PRXL2A: variants seen among roughly 807,000 people sequenced by gnomAD.
The protein encoded by PRXL2A is peroxiredoxin like 2A.
A neutral mutation model predicts 25.6 loss-of-function variants in PRXL2A; 26 were observed. That is an observed-to-expected ratio of 1.02 (90% CI 0.74 to 1.41). The LOEUF is 1.41. PRXL2A is among the 40% of genes most tolerant of loss of function. The pLI is 0.00. For synonymous variants in PRXL2A, 98 were observed against 102.9 expected (o/e 0.95, Z 0.29); for missense variants, 246 against 273.9 (o/e 0.90, Z 0.72).
In PRXL2A at chr10:80,435,043, G is replaced by T. The variant is rs1845366015; in HGVS notation, c.*2944G>T. 6.6e-6 allele frequency: 1 copy of T among 152,192 alleles called. No homozygotes were observed. The allele number at this position is 152,192 out of a possible 1,614,324, so 9.4% of individuals were successfully genotyped here. On this transcript the variant is annotated 3_prime_UTR_variant, in exon 6 of 6. Coordinates refer to ENST00000606162, the MANE Select transcript of PRXL2A (RefSeq NM_032333.5). ...AGCCTGGCCAACATGGTGAAACCCT[G>T]TCTCTACTAAAAATACAAAAGTTAG...
rs759677709 is a variant in PRXL2A at position 80,434,963 on chromosome 10, C to T, written c.*2864C>T. On this transcript the variant is annotated 3_prime_UTR_variant, in exon 6 of 6. Coordinates refer to ENST00000606162, the MANE Select transcript of PRXL2A (RefSeq NM_032333.5). ...GTGCCATGGCTCATGCCTATAATCCCAGCACTTTGGGTGGCCAAGGTGGGT... is the reference window on the plus strand; with the variant it reads ...GTGCCATGGCTCATGCCTATAATCCTAGCACTTTGGGTGGCCAAGGTGGGT... The T allele has an allele frequency of 6.6e-6, 1 of 152,258 alleles. No homozygotes were observed. The highest frequency in any genetic ancestry group is 1.9e-4 in the East Asian group (1 of 5,198). 9.4% of individuals were successfully genotyped at this position (152,258 alleles called of 1,614,324 possible).
intron 1 of PRXL2A, among the ~76,000 whole-genome samples, chr10:80,413,451 G>C (rs1844541535): frequency 6.6e-6 from 1 of 152,292 alleles, no homozygotes; most frequent in East Asian, 1.9e-4. Context: ...GTGAGGAATG[G>C]GGCAAGGGAG....
At chr10:80,412,604 GCA>G (rs1375784422) in intron 1 of PRXL2A, among the ~76,000 whole-genome samples, 3 of 152,098 alleles carry the variant, frequency 2.0e-5, no homozygotes, top group South Asian at 2.1e-4. Context: ...GGGTGTGTGC[GCA>G]CACACATGCA....
intron 1 of PRXL2A, among the ~76,000 whole-genome samples, chr10:80,411,823 C>T (rs1844485431): frequency 6.6e-6 from 1 of 152,148 alleles, no homozygotes; most frequent in Non-Finnish European, 1.5e-5. Context: ...TCTCCCCTAT[C>T]TCTGCCTCAG....
In PRXL2A at chr10:80,433,336, G is replaced by T. The variant is rs1166236785; in HGVS notation, c.*1237G>T. On this transcript the variant is annotated 3_prime_UTR_variant, in exon 6 of 6. Transcript: ENST00000606162. ...TTTTTGTTTGAATTTTGTCGTGTAAGTTTGAGTGACATCATCAAGACCTAC... is the reference window on the plus strand; with the variant it reads ...TTTTTGTTTGAATTTTGTCGTGTAATTTTGAGTGACATCATCAAGACCTAC... 1 of 152,222 alleles carries T rather than the reference G, an allele frequency of 6.6e-6. No individual in the cohort carries two copies. The allele number at this position is 152,222 out of a possible 1,614,324, so 9.4% of individuals were successfully genotyped here. A position where few individuals can be genotyped will look rare whatever the true frequency, so the allele number is the denominator to read the frequency against.
chr10:80,416,848 G>A (rs984410369), intron 1 of PRXL2A, among the ~76,000 whole-genome samples: 85 of 152,320 alleles, frequency 5.6e-4, no homozygotes, highest in African/African-American at 1.6e-3. Context: ...GAGATTCTTC[G>A]TTTCTAGATG....
In PRXL2A at chr10:80,431,926, C is replaced by T. The variant is rs1845275703; in HGVS notation, c.577-60C>T. On this transcript the variant is annotated intron_variant, in intron 5 of 5. Transcript: ENST00000606162. ...CTTGACAGACAGCTGGTCCTCGATG[C>T]CTGTCTCATGAACGAACGATTTAGG... is the stretch of plus-strand genomic sequence containing the variant. 22 of 1,210,036 alleles carry T rather than the reference C, an allele frequency of 1.8e-5. No individual in the cohort carries two copies. The South Asian group carries it at 2.6e-4, about 14-fold the overall frequency. 75.0% of individuals were successfully genotyped at this position (1,210,036 alleles called of 1,614,324 possible).
chr10:80,412,064 A>G (rs1288791037), intron 1 of PRXL2A, among the ~76,000 whole-genome samples: 2 of 152,212 alleles, frequency 1.3e-5, no homozygotes, highest in Non-Finnish European at 2.9e-5. Flanking sequence ...CACACCCAGC[A>G]GAAGAACAGT....
intron 1 of PRXL2A, among the ~76,000 whole-genome samples, 157 bp downstream of exon 1, chr10:80,408,800 C>G (rs886391005): frequency 1.3e-5 from 2 of 152,136 alleles, no homozygotes; most frequent in African/African-American, 4.8e-5. Flanking sequence ...TTCTTAGGAG[C>G]CGCCGCAGCG....
intron 1 of PRXL2A, among the ~76,000 whole-genome samples, 160 bp downstream of exon 1, chr10:80,408,803 C>T (rs1326910181): frequency 6.6e-6 from 1 of 152,156 alleles, no homozygotes; most frequent in East Asian, 1.9e-4. Flanking sequence ...TTAGGAGCCG[C>T]CGCAGCGCTG....
At chr10:80,425,408 A>C (rs575063726) in intron 3 of PRXL2A, among the ~76,000 whole-genome samples, 1 of 152,312 alleles carries the variant, frequency 6.6e-6, no homozygotes, top group Non-Finnish European at 1.5e-5. Flanking sequence ...AAGAGACAAC[A>C]CTCAACTTAG....
chr10:80,409,378 G>T (rs1226755396), intron 1 of PRXL2A, among the ~76,000 whole-genome samples: 1 of 152,170 alleles, frequency 6.6e-6, no homozygotes, highest in East Asian at 1.9e-4. Flanking sequence ...CAGGGCTGTG[G>T]GAAGGAGGCA....
intron 1 of PRXL2A, chr10:80,408,895 C>G (rs951831598): frequency 3.5e-6 from 1 of 285,956 alleles, no homozygotes; most frequent in Non-Finnish European, 5.2e-6. Context: ...CGTCGGAGAA[C>G]GGAGACGGGG....
At chr10:80,410,110 C>G (rs1285919450) in intron 1 of PRXL2A, among the ~76,000 whole-genome samples, 1 of 152,248 alleles carries the variant, frequency 6.6e-6, no homozygotes, top group Non-Finnish European at 1.5e-5. Flanking sequence ...CTCTAGGGCT[C>G]AAGCCCCAGG....
At position 80,427,490 on chromosome 10, in the gene PRXL2A, A is replaced by G. The variant is rs1297909696; in HGVS notation, c.570A>G (p.Gly190=). 7 of 1,613,956 alleles carry G rather than the reference A, an allele frequency of 4.3e-6. No homozygotes were observed. In the South Asian group the frequency reaches 5.5e-5, roughly 13 times the overall value. Residue 190 remains glycine, a synonymous_variant, in exon 5 of 6, where the codon GGA becomes GGG. Transcript: ENST00000606162. ...GGGGAGTTTTCGTGGTGGGATCAGG[A>G]AAGCAGGTGAGTTCTTGGTGTTTAC... ...ILGGVFVVGS[G]KQGILLEHRE...
At chr10:80,415,210 G>A (rs1295053095) in intron 1 of PRXL2A, among the ~76,000 whole-genome samples, 1 of 152,218 alleles carries the variant, frequency 6.6e-6, no homozygotes, top group Non-Finnish European at 1.5e-5. Flanking sequence ...AACACTCTCA[G>A]CATGGTGCTG....
At chr10:80,425,784 G>A (rs750731831) in intron 3 of PRXL2A, 82 bp from the exon 4 acceptor site, 6 of 1,553,796 alleles carry the variant, frequency 3.9e-6, no homozygotes, top group Non-Finnish European at 5.3e-6. Context: ...AGGAGCCTGG[G>A]CTGCAGAGGG....
At chr10:80,409,775 A>G (rs2131872385) in intron 1 of PRXL2A, among the ~76,000 whole-genome samples, 1 of 152,282 alleles carries the variant, frequency 6.6e-6, no homozygotes, top group East Asian at 1.9e-4. Context: ...CATCGTATTT[A>G]TTGCACTTTT....
At chr10:80,419,135 G>T (rs898335686) in intron 1 of PRXL2A, among the ~76,000 whole-genome samples, 1 of 150,372 alleles carries the variant, frequency 6.7e-6, no homozygotes, top group African/African-American at 2.5e-5. Context: ...ATAGGCATGC[G>T]CCACCATGCC....
Sources: gnomAD v4.1 joint callset for allele counts (sites outside exome capture counted in the v4.1 genomes callset) on GRCh38, gnomAD v4.1.1 for gene constraint, MANE v1.5 for transcripts, NCBI Gene and HGNC (gene_info 2026-07-23, HGNC 2026-07-21) for gene names.